Variants in CRTC3 observed in about 807,000 individuals in gnomAD.
The protein encoded by CRTC3 is CREB regulated transcription coactivator 3, also known as CREB-regulated transcription coactivator 3.
A neutral mutation model predicts 74.5 loss-of-function variants in CRTC3; 26 were observed. The observed-to-expected ratio is 0.35, with a 90% confidence interval of 0.26 to 0.48. CRTC3 has a LOEUF of 0.48. CRTC3 is among the 20% of genes least tolerant of loss of function. CRTC3 has a pLI of 0.99. For synonymous variants in CRTC3, 377 were observed against 325.8 expected (o/e 1.16, Z -1.69); for missense variants, 760 against 787.3 (o/e 0.97, Z 0.41).
At chr15:90,560,129 C>T (rs554083475) in intron 2 of CRTC3, among the ~76,000 whole-genome samples, 104 of 151,996 alleles carry the variant, frequency 6.8e-4, no homozygotes, top group African/African-American at 2.4e-3. Flanking sequence ...TTTTTGGAAC[C>T]TTCTTTTATT....
At chr15:90,585,000 AC>A (rs1037558917) in intron 2 of CRTC3, among the ~76,000 whole-genome samples, 1 of 152,220 alleles carries the variant, frequency 6.6e-6, no homozygotes, top group Non-Finnish European at 1.5e-5. Context: ...AAATGAGACT[AC>A]TGGAGCCAAC....
At chr15:90,596,597 A>G (rs1444225997) in intron 3 of CRTC3, 1 of 152,220 alleles carries the variant, frequency 6.6e-6, no homozygotes, top group East Asian at 1.9e-4. Flanking sequence ...TGATGCAAAG[A>G]AAGTTCTTTA....
At chr15:90,615,114 A>G (rs1184549079) in intron 7 of CRTC3, among the ~76,000 whole-genome samples, 3 of 151,968 alleles carry the variant, frequency 2.0e-5, no homozygotes, top group African/African-American at 7.3e-5. Context: ...CACTTAAACA[A>G]TTAGTTATTC....
chr15:90,543,975 A>G (rs1966839653), intron 2 of CRTC3, among the ~76,000 whole-genome samples: 1 of 152,076 alleles, frequency 6.6e-6, no homozygotes, highest in African/African-American at 2.4e-5. Flanking sequence ...TCTCTCACTT[A>G]GCATTTGAGA....
chr15:90,540,096 C>G lies in CRTC3; in HGVS notation c.190C>G (p.Pro64Ala). The G allele has an allele frequency of 6.2e-7, 1 of 1,613,316 alleles. No individual in the cohort carries two copies. The highest frequency in any genetic ancestry group is 8.5e-7 in the Non-Finnish European group (1 of 1,179,792). ...TACACAGTACCATGGAGGATCCTTA[C>G]CAAATGTGAGCCAGCTGCGGAGCAG... ...RLTQYHGGSL[P>A]NVSQLRSSAS... Residue 64 changes from proline to alanine, a missense_variant, in exon 2 of 15, where the codon CCA becomes GCA. By Grantham distance (27) the Pro-to-Ala change is conservative (BLOSUM62 -1). Transcript: ENST00000268184.
intron 2 of CRTC3, among the ~76,000 whole-genome samples, chr15:90,547,308 T>C (rs1180358874): frequency 6.6e-6 from 1 of 152,188 alleles, no homozygotes; most frequent in Non-Finnish European, 1.5e-5. Flanking sequence ...CATGATGTAC[T>C]ATAGATATCT....
chr15:90,592,233 C>T (rs1052194499), intron 2 of CRTC3, among the ~76,000 whole-genome samples: 1 of 152,118 alleles, frequency 6.6e-6, no homozygotes, highest in South Asian at 2.1e-4. Context: ...ACTCAATTGA[C>T]GTAAAACTCT....
At chr15:90,553,212 T>G (rs1966865707) in intron 2 of CRTC3, among the ~76,000 whole-genome samples, 1 of 152,214 alleles carries the variant, frequency 6.6e-6, no homozygotes, top group Non-Finnish European at 1.5e-5. Flanking sequence ...TTTTTAAGAG[T>G]TCGTACCTCC....
chr15:90,590,843 T>TTTA (rs1391225111), intron 2 of CRTC3, among the ~76,000 whole-genome samples: 1 of 152,188 alleles, frequency 6.6e-6, no homozygotes, highest in Admixed American at 6.5e-5. Context: ...AAATATCAAA[T>TTTA]GTAAGCAGAG....
intron 1 of CRTC3, among the ~76,000 whole-genome samples, chr15:90,538,660 A>G (rs189549035): frequency 7.9e-5 from 12 of 152,264 alleles, no homozygotes; most frequent in South Asian, 2.1e-4. Flanking sequence ...GGGTTTCATT[A>G]TACTTGTCTT....
At chr15:90,632,733 T>A (rs1213993508) in intron 11 of CRTC3, among the ~76,000 whole-genome samples, 1 of 152,186 alleles carries the variant, frequency 6.6e-6, no homozygotes, top group African/African-American at 2.4e-5. Flanking sequence ...GCTTCCTAAG[T>A]AGCTGGGACT....
chr15:90,568,679 C>G lies in CRTC3; in HGVS notation c.232-24957C>G, dbSNP rs866936815. 7.9e-5 allele frequency among the ~76,000 whole-genome samples: 12 copies of G among 152,180 alleles called. No homozygotes were observed. In the Middle Eastern group the frequency reaches 0.024, roughly 302 times the overall value. ...AGTTCTATTGTGGGTAAAAGTGTTA[C>G]CCAGCAGCATCACATGGTACAGAGA... On this transcript the variant is annotated intron_variant, in intron 2 of 14. Transcript: ENST00000268184.
chr15:90,548,050 C>T (rs28597986), intron 2 of CRTC3, among the ~76,000 whole-genome samples: 4,165 of 151,928 alleles, frequency 0.027, 197 homozygotes, highest in African/African-American at 0.094. Flanking sequence ...CCACCACACC[C>T]GGCCAGTTTT....
chr15:90,550,378 C>G (rs1596076547), intron 2 of CRTC3, among the ~76,000 whole-genome samples: 1 of 150,812 alleles, frequency 6.6e-6, no homozygotes, highest in Non-Finnish European at 1.5e-5. Context: ...CCATTGCACT[C>G]CAGCCTGGGC....
intron 2 of CRTC3, among the ~76,000 whole-genome samples, chr15:90,563,892 CT>C (rs1253077448): frequency 2.0e-5 from 3 of 152,210 alleles, no homozygotes; most frequent in African/African-American, 7.2e-5. Flanking sequence ...GCCTTCCTTC[CT>C]TTTTTTCAAA....
In CRTC3 at chr15:90,644,959, TA is replaced by T. The variant is rs1457318248; in HGVS notation, c.*2820del. ...CTGTATGGTTGTGGGTTTTAGGACATAGGGGGTTAGGAGAAGGGGTTTCTTG... is the reference window on the plus strand; with the variant it reads ...CTGTATGGTTGTGGGTTTTAGGACATGGGGGTTAGGAGAAGGGGTTTCTTG... On this transcript the variant is annotated 3_prime_UTR_variant, in exon 15 of 15. Transcript: ENST00000268184. 8.6e-6 allele frequency: 2 copies of T among 232,374 alleles called. No individual in the cohort carries two copies. Among genetic ancestry groups the T allele is most frequent in the Non-Finnish European group, 1.7e-5 (2 of 117,592 alleles). 14.4% of individuals were successfully genotyped at this position (232,374 alleles called of 1,614,324 possible).
At position 90,622,390 on chromosome 15, in the gene CRTC3, C is replaced by T. The variant is rs548205786; in HGVS notation, c.749+2600C>T. On this transcript the variant is annotated intron_variant, in intron 9 of 14. Coordinates refer to ENST00000268184, the MANE Select transcript of CRTC3 (RefSeq NM_022769.5). ...CTGTGCTGTTGGACGCTTCTCCCTG[C>T]CGCGCCCCTGCTCTCTCTGCCTTCA... is the stretch of plus-strand genomic sequence containing the variant. Among the ~76,000 whole-genome samples the T allele has an allele frequency of 2.0e-5, 3 of 152,306 alleles. No homozygotes were observed. The East Asian group carries it at 5.8e-4, about 29-fold the overall frequency.
intron 2 of CRTC3, among the ~76,000 whole-genome samples, chr15:90,584,000 C>G (rs75378962): frequency 1.3e-5 from 2 of 151,920 alleles, no homozygotes; most frequent in Non-Finnish European, 2.9e-5. Context: ...CAGGCCTTCA[C>G]GACTCCCCCA....
At chr15:90,635,979 G>A (rs1969220011) in intron 11 of CRTC3, among the ~76,000 whole-genome samples, 1 of 152,052 alleles carries the variant, frequency 6.6e-6, no homozygotes, top group African/African-American at 2.4e-5. Context: ...TGGCCATACT[G>A]CCCAAGGTAA....
Sources: gnomAD v4.1 joint callset for allele counts (sites outside exome capture counted in the v4.1 genomes callset) on GRCh38, gnomAD v4.1.1 for gene constraint, MANE v1.5 for transcripts, NCBI Gene and HGNC (gene_info 2026-07-23, HGNC 2026-07-21) for gene names.